ATAD2B: variants seen among roughly 807,000 people sequenced by gnomAD.
ATAD2B encodes the protein ATPase family AAA domain containing 2B, also known as ATPase family AAA domain-containing protein 2B.
ATAD2B carries 40 observed loss-of-function variants against 167.6 expected under a neutral mutation model. That is an observed-to-expected ratio of 0.24 (90% CI 0.19 to 0.31). The LOEUF is 0.31. Among genes scored for constraint, ATAD2B ranks in the 10% least tolerant of loss-of-function variants. The pLI is 1.00. For missense variants in ATAD2B, 1,242 were observed against 1,757.2 expected (o/e 0.71, Z 5.24); for synonymous variants, 579 against 596.5 (o/e 0.97, Z 0.43).
chr2:23,762,219 A>G lies in ATAD2B; in HGVS notation c.3384T>C (p.Asn1128=). The change falls in exon 24 of 28, where the codon AAT becomes AAC. Residue 1128 remains asparagine, a synonymous_variant. Coordinates refer to ENST00000238789, the MANE Select transcript of ATAD2B (RefSeq NM_017552.4). The part of the protein sequence containing the change: ...NPMDVWHNSA[N]KCAFRVRRKS... ...AGCTGAAATACTCACATGCACATTT[A>G]TTTGCAGAGTTGTGCCACACATCCA... 1 of 1,613,428 alleles carries G rather than the reference A, an allele frequency of 6.2e-7. No homozygotes were observed. The highest frequency in any genetic ancestry group is 8.5e-7 in the Non-Finnish European group (1 of 1,179,698).
intron 16 of ATAD2B, among the ~76,000 whole-genome samples, chr2:23,822,821 G>C (rs1037553207): frequency 2.0e-5 from 3 of 150,342 alleles, no homozygotes; most frequent in Admixed American, 1.3e-4. Flanking sequence ...AGGAGGCTGA[G>C]GCAGGAGAAT....
intron 1 of ATAD2B, among the ~76,000 whole-genome samples, chr2:23,913,362 G>A (rs1430213203): frequency 7.2e-5 from 11 of 152,176 alleles, no homozygotes; most frequent in Admixed American, 6.5e-4. Context: ...GGGGCCAGGC[G>A]CAGTGGCTCA....
the ATAD2B span, among the ~76,000 whole-genome samples, chr2:23,702,785 G>T: frequency 6.6e-6 from 1 of 152,212 alleles, no homozygotes; most frequent in Non-Finnish European, 1.5e-5. Flanking sequence ...GGGCAGGAAT[G>T]GTGCTTCATC....
At chr2:23,878,028 A>AAAAAAAAAAAAC (rs1697264347) in intron 7 of ATAD2B, among the ~76,000 whole-genome samples, 1 of 145,306 alleles carries the variant, frequency 6.9e-6, no homozygotes, top group African/African-American at 2.5e-5. Context: ...AAAAAAAAAA[A>AAAAAAAAAAAAC]AAAAAAAAAA....
intron 1 of ATAD2B, among the ~76,000 whole-genome samples, chr2:23,919,652 G>A (rs1346541981): frequency 1.3e-5 from 2 of 151,862 alleles, no homozygotes; most frequent in African/African-American, 4.8e-5. Context: ...AGACCAGCCT[G>A]TTCAACACAG....
rs562621708 is a variant in ATAD2B, at chr2:23,830,244, A to T, written c.1729-1305T>A. ...ACTGTTCCGCCCACCTCAGCCTCCC[A>T]AAGTGCTGGGATTACAGGCGTGAGC... On this transcript the variant is annotated intron_variant, in intron 14 of 27. Transcript: ENST00000238789. Among the ~76,000 whole-genome samples the T allele has an allele frequency of 3.9e-5, 6 of 152,254 alleles. No homozygotes were observed. The East Asian group carries it at 9.6e-4, about 24-fold the overall frequency.
the ATAD2B span, chr2:23,703,768 G>C: frequency 6.5e-7 from 1 of 1,537,364 alleles, no homozygotes; most frequent in Middle Eastern, 1.7e-4. Flanking sequence ...TTTTCATCCT[G>C]GGCGGGGCTT....
chr2:23,894,959 A>G (rs919345114), intron 2 of ATAD2B, among the ~76,000 whole-genome samples: 6 of 152,192 alleles, frequency 3.9e-5, no homozygotes, highest in Non-Finnish European at 2.9e-5. Context: ...GTCAAAGTCT[A>G]TATAACCCCA....
chr2:23,771,472 TA>T (rs1358024163), intron 22 of ATAD2B, among the ~76,000 whole-genome samples: 4 of 152,190 alleles, frequency 2.6e-5, no homozygotes, highest in Admixed American at 6.5e-5. Flanking sequence ...AAAGCGGGGA[TA>T]GGGGGAATAA....
chr2:23,895,833 T>C lies in ATAD2B; in HGVS notation c.354A>G (p.Ser118=). The C allele has an allele frequency of 6.2e-7, 1 of 1,610,078 alleles. No homozygotes were observed. The highest frequency in any genetic ancestry group is 1.1e-5 in the South Asian group (1 of 90,656). The change falls in exon 2 of 28, where the codon TCA becomes TCG. Residue 118 remains serine, a synonymous_variant. Coordinates refer to ENST00000238789, the MANE Select transcript of ATAD2B (RefSeq NM_017552.4). ...STGQREEWNL[S]TGQARLTSQP... is the part of the protein sequence containing the mutation. The stretch of plus-strand genomic sequence containing the variant: ...TCCTTTCTCACCTGGCCTGTCCAGT[T>C]GATAAGTTCCATTCCTCTCGCTGAC...
At chr2:23,905,937 G>A (rs1243190519) in intron 1 of ATAD2B, among the ~76,000 whole-genome samples, 2 of 152,148 alleles carry the variant, frequency 1.3e-5, no homozygotes, top group Non-Finnish European at 2.9e-5. Flanking sequence ...TAGTATTGGG[G>A]AATGGGGTAC....
At chr2:23,906,441 T>G (rs1343606749) in intron 1 of ATAD2B, among the ~76,000 whole-genome samples, 1 of 152,104 alleles carries the variant, frequency 6.6e-6, no homozygotes, top group Non-Finnish European at 1.5e-5. Flanking sequence ...AGTATAATGA[T>G]ACAAAGAAAT....
chr2:23,747,317 AATAT>A (rs920666061), downstream of ATAD2B, among the ~76,000 whole-genome samples: 1 of 150,966 alleles, frequency 6.6e-6, no homozygotes, highest in Non-Finnish European at 1.5e-5. Context: ...ACATATGTGT[AATAT>A]ATATATATTA....
In ATAD2B at chr2:23,807,822, A is replaced by AT. The variant is rs1252139455; in HGVS notation, c.2454+2493_2454+2494insA. Among the ~76,000 whole-genome samples the AT allele has an allele frequency of 1.4e-3, 181 of 126,206 alleles. 2 individuals carry two copies. Among genetic ancestry groups the AT allele is most frequent in the African/African-American group, 4.6e-3 (148 of 32,260 alleles). The allele number at this position is 126,206 out of a possible 152,430, so 82.8% of individuals were successfully genotyped here. On this transcript the variant is annotated intron_variant, in intron 18 of 27. Transcript: ENST00000238789. ...CAGAGCGTGACTCCATCTTAAAAAA[A>AT]AAAAAAATATATATATATATATAAT...
Position 23,757,655 on chromosome 2 carries a change from G to T in ATAD2B, c.3841C>A (p.Pro1281Thr), listed in dbSNP as rs372338525. The T allele has an allele frequency of 1.2e-6, 2 of 1,613,678 alleles. No homozygotes were observed. Among genetic ancestry groups the T allele is most frequent in the African/African-American group, 2.7e-5 (2 of 74,912 alleles). Residue 1281 changes from proline (P) to threonine (T), a missense_variant, in exon 25 of 28, where the codon CCA becomes ACA. Pro to Thr is a conservative substitution (Grantham distance 38, BLOSUM62 -1). This residue lies in a region of ATAD2B where 282 missense variants were observed against 346.8 expected (regional missense o/e 0.81). Transcript: ENST00000238789. ...EASTDSFEGI[P>T]VLECQNGKLE... ...TTGCCATTCTGACATTCCAGAACTG[G>T]TATTCCTTCAAAACTGTCAGTGGAA...
At chr2:23,885,617 GA>G (rs1698554583) in intron 5 of ATAD2B, 109 bp downstream of exon 5, 1 of 577,464 alleles carries the variant, frequency 1.7e-6, no homozygotes, top group Non-Finnish European at 3.0e-6. Flanking sequence ...AAATGAAGAC[GA>G]AGGAACACTC....
At chr2:23,865,304 G>A (rs12614038) in intron 10 of ATAD2B, among the ~76,000 whole-genome samples, 15,654 of 152,018 alleles carry the variant, frequency 0.1, 896 homozygotes, top group Middle Eastern at 0.18. Context: ...CAAGGAGGGC[G>A]GATCACCTGA....
chr2:23,731,000 G>A, the ATAD2B span, among the ~76,000 whole-genome samples: 1 of 152,078 alleles, frequency 6.6e-6, no homozygotes, highest in Admixed American at 6.5e-5. Flanking sequence ...AGATGAAACA[G>A]AGATTACAAA....
chr2:23,873,499 C>T (rs1696319020), intron 8 of ATAD2B, among the ~76,000 whole-genome samples: 1 of 152,198 alleles, frequency 6.6e-6, no homozygotes, highest in Non-Finnish European at 1.5e-5. Context: ...CTCCCACACA[C>T]TTTTTTTGAA....
Sources: allele counts gnomAD v4.1 joint callset (sites outside exome capture counted in the v4.1 genomes callset), GRCh38; gene constraint gnomAD v4.1.1; regional missense constraint gnomAD v4.1.1; transcripts MANE v1.5; gene names NCBI Gene and HGNC (gene_info 2026-07-23, HGNC 2026-07-21).